The following UMODL1 variants were observed in gnomAD, a reference collection of about 807,000 sequenced individuals.
UMODL1 encodes the protein uromodulin like 1, also known as uromodulin-like 1.
UMODL1 carries 128 observed loss-of-function variants against 136.3 expected under a neutral mutation model. The ratio of observed to expected loss-of-function variants is 0.94; its 90% CI spans 0.81 to 1.09. The LOEUF is 1.09. Among genes scored for constraint, UMODL1 ranks in the 50% least tolerant of loss-of-function variants. The pLI is 0.00. For synonymous variants in UMODL1, 721 were observed against 720.0 expected (o/e 1.00, Z -0.02); for missense variants, 1,766 against 1,725.6 (o/e 1.02, Z -0.41).
At chr21:42,069,000 A>G (rs190661006), upstream of UMODL1, among the ~76,000 whole-genome samples, 21 of 152,186 alleles carry the variant, frequency 1.4e-4, no homozygotes, top group East Asian at 4.1e-3. The surrounding 1 kb of genome is among the most constrained non-coding windows in gnomAD (Gnocchi z 5.5). Flanking sequence ...GCCCTGAGCG[A>G]ATTTGGGGCT....
At chr21:42,118,306 T>G (rs1480741994) in intron 14 of UMODL1, among the ~76,000 whole-genome samples, 2 of 152,218 alleles carry the variant, frequency 1.3e-5, no homozygotes, top group Non-Finnish European at 2.9e-5. Flanking sequence ...AGAGGGACAA[T>G]GGATCTGTTC....
chr21:42,076,359 C>CCGTGCTCCTGGA, intron 2 of UMODL1, 112 bp downstream of exon 2: 1 of 1,515,112 alleles, frequency 6.6e-7, no homozygotes, highest in Non-Finnish European at 9.0e-7. Context: ...CTTCCAGGAG[C>CCGTGCTCCTGGA]ACGGCTCCCA....
At chr21:42,116,892 A>G (rs220141) in intron 14 of UMODL1, among the ~76,000 whole-genome samples, 45,985 of 151,998 alleles carry the variant, frequency 0.3, 6,976 homozygotes, top group Middle Eastern at 0.37. Context: ...CCTGGCCAAC[A>G]TGGCGAAACC....
At chr21:42,081,532 G>A (rs1046185610) in intron 2 of UMODL1, among the ~76,000 whole-genome samples, 2 of 152,218 alleles carry the variant, frequency 1.3e-5, no homozygotes, top group African/African-American at 4.8e-5. Context: ...CCCGGCAGTA[G>A]CCAGTTAAGA....
At chr21:42,116,828 C>G (rs1159232356) in intron 14 of UMODL1, among the ~76,000 whole-genome samples, 1 of 152,184 alleles carries the variant, frequency 6.6e-6, no homozygotes, top group Non-Finnish European at 1.5e-5. Context: ...ATAATCCTAG[C>G]ACTTTGGGAG....
At chr21:42,124,997 TC>T (rs2067033332) in intron 17 of UMODL1, among the ~76,000 whole-genome samples, 1 of 152,030 alleles carries the variant, frequency 6.6e-6, no homozygotes, top group East Asian at 1.9e-4. Flanking sequence ...AGCAGCCCCG[TC>T]CCTGTGGCTC....
chr21:42,123,112 G>C lies in UMODL1; in HGVS notation c.3109G>C (p.Glu1037Gln). Residue 1037 changes from glutamate to glutamine, a missense_variant, in exon 17 of 23, where the codon GAG (glutamate) becomes CAG (glutamine). Glu to Gln is a conservative substitution (Grantham distance 29). Transcript: ENST00000408910. The surrounding 1 kb of genome is among the most constrained non-coding windows in gnomAD (Gnocchi z 4.4). ...SHSNGTHVLLEAGWSECGTLM... is the reference protein window; with the variant it reads ...SHSNGTHVLLQAGWSECGTLM... Reference sequence around the variant, plus strand: ...CAGCAATGGCACACACGTGCTCCTGGAGGCCGGCTGGAGCGAGTGTGGGAC... The same window carrying C: ...CAGCAATGGCACACACGTGCTCCTGCAGGCCGGCTGGAGCGAGTGTGGGAC... 6.2e-7 allele frequency: 1 copy of C among 1,613,996 alleles called. No individual in the cohort carries two copies. The highest frequency in any genetic ancestry group is 8.5e-7 in the Non-Finnish European group (1 of 1,179,926).
chr21:42,070,162 G>A (rs1317658345), upstream of UMODL1, among the ~76,000 whole-genome samples: 1 of 152,204 alleles, frequency 6.6e-6, no homozygotes, highest in African/African-American at 2.4e-5. Flanking sequence ...AGGCGAGAAG[G>A]TCCCTTCTGG....
At chr21:42,086,318 T>C (rs1476589305) in intron 4 of UMODL1, among the ~76,000 whole-genome samples, 1 of 152,210 alleles carries the variant, frequency 6.6e-6, no homozygotes, top group Admixed American at 6.5e-5. Flanking sequence ...GTGCTTCAGA[T>C]CTTTTGTGTG....
chr21:42,103,143 C>G (rs2066658815), intron 8 of UMODL1: 1 of 176,870 alleles, frequency 5.7e-6, no homozygotes, highest in South Asian at 1.3e-4. Flanking sequence ...ATCTCTCCCT[C>G]CCAAGGCTGT....
chr21:42,116,623 T>C (rs2066905548), intron 14 of UMODL1, among the ~76,000 whole-genome samples: 1 of 152,150 alleles, frequency 6.6e-6, no homozygotes, highest in Admixed American at 6.5e-5. Flanking sequence ...ACGGTTTTTT[T>C]TTTTTAAACC....
chr21:42,086,128 G>A (rs1569146000), intron 4 of UMODL1, among the ~76,000 whole-genome samples: 1 of 152,234 alleles, frequency 6.6e-6, no homozygotes, highest in East Asian at 1.9e-4. Context: ...CAAGGCTGCC[G>A]CGTGTCCCCA....
intron 9 of UMODL1, 78 bp downstream of exon 9, chr21:42,104,165 C>T (rs2066681170): frequency 1.4e-6 from 2 of 1,400,604 alleles, no homozygotes; most frequent in African/African-American, 2.9e-5. Flanking sequence ...TTGAGTCAGT[C>T]TTTCCTTTAT....
chr21:42,071,322 C>G lies in UMODL1; in HGVS notation c.6C>G (p.Leu2=), dbSNP rs1364614319. The change falls in exon 1 of 23, where the codon CTC becomes CTG. Residue 2 remains leucine, a synonymous_variant. Transcript: ENST00000408910. Reference sequence around the variant, plus strand: ...ACTGCCACCACTGCCGGACGATGCTCAGGACCTCGGGGCTGGCACTGCTGG... The same window carrying G: ...ACTGCCACCACTGCCGGACGATGCTGAGGACCTCGGGGCTGGCACTGCTGG... M[L]RTSGLALLAL... 1 of 1,589,770 alleles carries G rather than the reference C, an allele frequency of 6.3e-7. No individual in the cohort carries two copies. The highest frequency in any genetic ancestry group is 8.6e-7 in the Non-Finnish European group (1 of 1,168,346).
At chr21:42,087,381 C>T (rs1382582069) in intron 4 of UMODL1, among the ~76,000 whole-genome samples, 3 of 152,222 alleles carry the variant, frequency 2.0e-5, no homozygotes, top group Admixed American at 6.5e-5. Flanking sequence ...CTCCCCAAAC[C>T]TCCTTTGGAG....
intron 1 of UMODL1, among the ~76,000 whole-genome samples, 171 bp from the exon 2 acceptor site, chr21:42,075,834 C>G (rs117448410): frequency 6.6e-6 from 1 of 152,268 alleles, no homozygotes; most frequent in African/African-American, 2.4e-5. Flanking sequence ...CTTCCTGGTG[C>G]ACTAGCAGGC....
intron 2 of UMODL1, among the ~76,000 whole-genome samples, chr21:42,079,430 A>G (rs1468977619): frequency 6.6e-6 from 1 of 152,158 alleles, no homozygotes; most frequent in South Asian, 2.1e-4. Context: ...CCCGTGGGTG[A>G]GAGTGGGCTG....
chr21:42,126,751 A>G (rs1234106863), intron 18 of UMODL1, among the ~76,000 whole-genome samples: 1 of 152,112 alleles, frequency 6.6e-6, no homozygotes, highest in East Asian at 1.9e-4. Flanking sequence ...CCAAGCCTCC[A>G]TCAGGCACCA....
intron 11 of UMODL1, 66 bp from the exon 12 acceptor site, chr21:42,111,440 G>T (rs1418103129): frequency 1.2e-6 from 2 of 1,613,786 alleles, no homozygotes; most frequent in Non-Finnish European, 8.5e-7. Context: ...CTCCCCGAAG[G>T]CTACTGGGTC....
Sources: gnomAD v4.1 joint callset for allele counts (sites outside exome capture counted in the v4.1 genomes callset) on GRCh38, gnomAD v4.1.1 for gene constraint, Gnocchi (gnomAD v3.1) non-coding constraint, MANE v1.5 for transcripts, NCBI Gene and HGNC (gene_info 2026-07-23, HGNC 2026-07-21) for gene names.